ANKRD62: variants seen among roughly 807,000 people sequenced by gnomAD.
ANKRD62 encodes ankyrin repeat domain 62.
A neutral mutation model predicts 98.8 loss-of-function variants in ANKRD62; 61 were observed. The ratio of observed to expected loss-of-function variants is 0.62; its 90% CI spans 0.50 to 0.76. ANKRD62 has a LOEUF of 0.76. ANKRD62 is among the 30% of genes least tolerant of loss of function. The pLI, the probability that ANKRD62 is intolerant of heterozygous loss-of-function variation, is 0.00. For synonymous variants in ANKRD62, 341 were observed against 367.9 expected (o/e 0.93, Z 0.84); for missense variants, 933 against 1,082.9 (o/e 0.86, Z 1.94).
chr18:12,096,099 T>G (rs922004591), intron 3 of ANKRD62, 97 bp from the exon 4 acceptor site: 4 of 820,216 alleles, frequency 4.9e-6, no homozygotes. Context: ...TACTTTCTGC[T>G]TCATGTTTAA....
chr18:12,115,285 C>G, intron 9 of ANKRD62, 108 bp from the exon 10 acceptor site: 1 of 1,290,494 alleles, frequency 7.7e-7, no homozygotes, highest in Non-Finnish European at 1.0e-6. Flanking sequence ...TTAAGAAGTA[C>G]CTGTGTTTTT....
At chr18:12,159,503 T>C in the ANKRD62 span, among the ~76,000 whole-genome samples, 1 of 152,252 alleles carries the variant, frequency 6.6e-6, no homozygotes, top group African/African-American at 2.4e-5. Flanking sequence ...ACACTGCTTT[T>C]ATGTACAGAA....
chr18:12,112,636 T>G (rs1431834747), intron 8 of ANKRD62, among the ~76,000 whole-genome samples: 2 of 152,204 alleles, frequency 1.3e-5, no homozygotes, highest in Admixed American at 1.3e-4. Context: ...GGCAATACCA[T>G]TCTGGACATA....
chr18:12,128,650 T>A lies in ANKRD62; in HGVS notation c.*711T>A, dbSNP rs1413100920. The A allele has an allele frequency of 6.6e-6, 1 of 152,286 alleles. No individual in the cohort carries two copies. The highest frequency in any genetic ancestry group is 1.5e-5 in the Non-Finnish European group (1 of 68,048). The allele number at this position is 152,286 out of a possible 1,614,324, so 9.4% of individuals were successfully genotyped here. ...CACTTTTAAATAAATTATCTCCTAA[T>A]GATGACATGAGCCCTGCCACTCGAT... On this transcript the variant is annotated 3_prime_UTR_variant, in exon 14 of 14. Transcript: ENST00000587848.
At chr18:12,145,508 A>C in the ANKRD62 span, among the ~76,000 whole-genome samples, 4 of 150,132 alleles carry the variant, frequency 2.7e-5, no homozygotes, top group Non-Finnish European at 5.9e-5. Context: ...AGAGAGGTGG[A>C]TGTGGATGGG....
Position 12,127,788 on chromosome 18 carries a change from T to C in ANKRD62, c.2603T>C (p.Leu868Pro). Residue 868 changes from leucine (L) to proline (P), a missense_variant, in exon 14 of 14, where the codon CTG becomes CCG. Around this residue, in one of 3 missense-constraint regions of ANKRD62, gnomAD observed 362 missense variants for 434.5 expected, o/e 0.83. Coordinates refer to ENST00000587848, the MANE Select transcript of ANKRD62 (RefSeq NM_001277333.2). Reference protein sequence around the residue: ...RQLQREVDDALNKQLLLEAML... With the variant: ...RQLQREVDDAPNKQLLLEAML... ...CTTCAACGAGAAGTGGATGATGCCC[T>C]GAACAAACAATTGCTGTTAGAAGCT... The C allele has an allele frequency of 6.7e-7, 1 of 1,487,878 alleles. No individual in the cohort carries two copies. The highest frequency in any genetic ancestry group is 1.4e-5 in the South Asian group (1 of 73,972). The allele number at this position is 1,487,878 out of a possible 1,614,324, so 92.2% of individuals were successfully genotyped here. A position where few individuals can be genotyped will look rare whatever the true frequency, so the allele number is the denominator to read the frequency against.
chr18:12,150,434 T>C, the ANKRD62 span, among the ~76,000 whole-genome samples: 2 of 152,078 alleles, frequency 1.3e-5, no homozygotes, highest in African/African-American at 4.8e-5. Flanking sequence ...ATCAAACAAA[T>C]TCAGGAAATA....
chr18:12,181,480 A>C, the ANKRD62 span, among the ~76,000 whole-genome samples: 1 of 152,212 alleles, frequency 6.6e-6, no homozygotes. Context: ...TAAAAACCAG[A>C]TAAGAATTTC....
At chr18:12,117,313 G>A (rs1198382312) in intron 10 of ANKRD62, among the ~76,000 whole-genome samples, 2 of 152,146 alleles carry the variant, frequency 1.3e-5, no homozygotes, top group African/African-American at 4.8e-5. Flanking sequence ...TAGACAACCT[G>A]TACAATTAAT....
chr18:12,102,037 T>C (rs1909310337), intron 6 of ANKRD62: 1 of 1,390,570 alleles, frequency 7.2e-7, no homozygotes, highest in Non-Finnish European at 1.0e-6. Flanking sequence ...GCCCACATCA[T>C]GGTAGTTGAA....
downstream of ANKRD62, among the ~76,000 whole-genome samples, chr18:12,133,372 A>G (rs1910034739): frequency 6.6e-6 from 1 of 152,204 alleles, no homozygotes; most frequent in Non-Finnish European, 1.5e-5. Flanking sequence ...TACTGTGGAC[A>G]CATATGTGGA....
chr18:12,151,379 G>C, the ANKRD62 span, among the ~76,000 whole-genome samples: 1 of 152,146 alleles, frequency 6.6e-6, no homozygotes, highest in African/African-American at 2.4e-5. Context: ...CACTGAGGGA[G>C]AAAATTAACA....
chr18:12,162,859 G>C, the ANKRD62 span, among the ~76,000 whole-genome samples: 1 of 150,790 alleles, frequency 6.6e-6, no homozygotes, highest in Non-Finnish European at 1.5e-5. Flanking sequence ...TCTTTACTCT[G>C]TTGCATTGGT....
the ANKRD62 span, among the ~76,000 whole-genome samples, chr18:12,163,330 C>T: frequency 9.9e-5 from 15 of 152,084 alleles, no homozygotes; most frequent in African/African-American, 1.9e-4. Context: ...AGAAATGCTA[C>T]GGAGTTTTGT....
In ANKRD62 at chr18:12,126,190, G is replaced by A; in HGVS notation, c.2369G>A (p.Cys790Tyr). The change falls in exon 13 of 14, where the codon TGT becomes TAT. Residue 790 changes from cysteine (C) to tyrosine (Y), a missense_variant. Cys to Tyr is a radical substitution (Grantham distance 194). Transcript: ENST00000587848. ...CAAAATCTGTTGTATCAACAGCAGT[G>A]TAATGATGCTCGCAAGAAAGCTGAC... ...QSQNLLYQQQ[C>Y]NDARKKADNQ... is the part of the protein sequence containing the mutation. 1 of 1,536,100 alleles carries A rather than the reference G, an allele frequency of 6.5e-7. No individual in the cohort carries two copies.
chr18:12,108,372 G>A (rs897679559), intron 8 of ANKRD62, among the ~76,000 whole-genome samples: 3 of 152,194 alleles, frequency 2.0e-5, no homozygotes, highest in African/African-American at 7.2e-5. Flanking sequence ...CGGTAGGAGA[G>A]AGTGAGAGCA....
downstream of ANKRD62, among the ~76,000 whole-genome samples, chr18:12,134,600 C>T (rs930646323): frequency 1.3e-5 from 2 of 152,084 alleles, no homozygotes; most frequent in Non-Finnish European, 2.9e-5. Flanking sequence ...GTTCAGTTCC[C>T]ACCTATGAGT....
At chr18:12,097,914 G>A (rs1909216348) in intron 5 of ANKRD62, 137 bp downstream of exon 5, 1 of 1,000,028 alleles carries the variant, frequency 1.0e-6, no homozygotes, top group Non-Finnish European at 1.4e-6. Flanking sequence ...CACTTCATCA[G>A]CCAGAAATCA....
chr18:12,137,950 G>C, the ANKRD62 span, among the ~76,000 whole-genome samples: 1 of 151,964 alleles, frequency 6.6e-6, no homozygotes, highest in Non-Finnish European at 1.5e-5. Context: ...TTCTTTATTA[G>C]TCTTGCTAGC....
Sources: allele counts gnomAD v4.1 joint callset (sites outside exome capture counted in the v4.1 genomes callset), GRCh38; gene constraint gnomAD v4.1.1; regional missense constraint gnomAD v4.1.1; transcripts MANE v1.5; gene names NCBI Gene and HGNC (gene_info 2026-07-23, HGNC 2026-07-21).